RNF182: variants seen among roughly 807,000 people sequenced by gnomAD.
The protein encoded by RNF182 is E3 ubiquitin-protein ligase RNF182.
Under a neutral mutation model 14.4 loss-of-function variants are expected in RNF182, and 15 were observed. The observed-to-expected ratio is 1.04, with a 90% CI of 0.70 to 1.60. The LOEUF (loss-of-function observed/expected upper bound fraction) is 1.60. Among genes scored for constraint, RNF182 ranks in the 40% most tolerant of loss-of-function variants. RNF182 has a pLI of 0.00. For synonymous variants in RNF182, 128 were observed against 122.9 expected (o/e 1.04, Z -0.27); for missense variants, 268 against 294.8 (o/e 0.91, Z 0.67).
intron 1 of RNF182, among the ~76,000 whole-genome samples, chr6:13,960,699 G>GCGCACC (rs1561784411): frequency 6.6e-6 from 1 of 151,410 alleles, no homozygotes; most frequent in Non-Finnish European, 1.5e-5. Flanking sequence ...GTGTGCGCGC[G>GCGCACC]TGCACATGCA....
intron 1 of RNF182, among the ~76,000 whole-genome samples, chr6:13,951,671 T>G (rs1759596944): frequency 6.6e-6 from 1 of 152,224 alleles, no homozygotes; most frequent in Non-Finnish European, 1.5e-5. Context: ...ATTCCTACCT[T>G]TTTGCCAGCA....
intron 1 of RNF182, among the ~76,000 whole-genome samples, chr6:13,929,900 AAAC>A: frequency 6.6e-6 from 1 of 152,364 alleles, no homozygotes; most frequent in South Asian, 2.1e-4. Flanking sequence ...TAAAGTCATA[AAAC>A]AAGAAGCATT....
intron 1 of RNF182, among the ~76,000 whole-genome samples, chr6:13,935,114 T>C (rs1047689523): frequency 1.3e-5 from 2 of 152,194 alleles, no homozygotes; most frequent in Middle Eastern, 3.2e-3. Flanking sequence ...TATTCTTCCA[T>C]GTAGAGAATG....
chr6:13,924,842 G>GGGGGGCCCC, upstream of RNF182: 1 of 150,806 alleles, frequency 6.6e-6, no homozygotes, highest in East Asian at 2.0e-4. Context: ...GGAAGGGCCG[G>GGGGGGCCCC]GGGGGCCCCG....
In RNF182 at chr6:13,977,548, C is replaced by G; in HGVS notation, c.429C>G (p.Ser143=). ...AGGTGCAGAGAGAGAGCTCCCCGTCCCTGAGCTCCACTCCTGTGGTAGAAT... is the reference window on the plus strand; with the variant it reads ...AGGTGCAGAGAGAGAGCTCCCCGTCGCTGAGCTCCACTCCTGTGGTAGAAT... ...IMEVQRESSP[S]LSSTPVVEFY... The change falls in exon 3 of 3, where the codon TCC becomes TCG. Residue 143 remains serine, a synonymous_variant. Coordinates refer to ENST00000488300, the MANE Select transcript of RNF182 (RefSeq NM_152737.4). 6.2e-7 allele frequency: 1 copy of G among 1,614,144 alleles called. No homozygotes were observed. The highest frequency in any genetic ancestry group is 8.5e-7 in the Non-Finnish European group (1 of 1,179,960).
chr6:13,924,987 CGGAGCGGCT>C lies in RNF182; in HGVS notation c.-402_-394del, dbSNP rs1223183917. 1.4e-5 allele frequency: 2 copies of C among 146,836 alleles called. No homozygotes were observed. Among genetic ancestry groups the C allele is most frequent in the Non-Finnish European group, 3.0e-5 (2 of 65,940 alleles). The allele number at this position is 146,836 out of a possible 1,614,324, so 9.1% of individuals were successfully genotyped here. On this transcript the variant is annotated 5_prime_UTR_variant, in exon 1 of 3. Coordinates refer to ENST00000488300, the MANE Select transcript of RNF182 (RefSeq NM_152737.4). ...CTCCCCTCCCAGGCGCCGCCGCAGC[CGGAGCGGCT>C]CCCGGGCCCTGGGCCGCCGCCGGCC...
In RNF182 at chr6:13,944,562, G is replaced by A. The variant is rs573255684; in HGVS notation, c.-367+19539G>A. ...TGTCAATAATGCAGGGCAAGGAAAG[G>A]TAATTTATGCATGGAAATTCAGGAT... On this transcript the variant is annotated intron_variant, in intron 1 of 2. Coordinates refer to ENST00000488300, the MANE Select transcript of RNF182 (RefSeq NM_152737.4). Among the ~76,000 whole-genome samples, 3 of 152,302 alleles carry A rather than the reference G, an allele frequency of 2.0e-5. No homozygotes were observed. In the East Asian group the frequency reaches 5.8e-4, roughly 29 times the overall value.
chr6:13,933,834 G>A (rs563063878), intron 1 of RNF182, among the ~76,000 whole-genome samples: 1 of 151,996 alleles, frequency 6.6e-6, no homozygotes, highest in Non-Finnish European at 1.5e-5. Context: ...CCTGGCCAAT[G>A]TGGTGAAACC....
intron 1 of RNF182, among the ~76,000 whole-genome samples, chr6:13,944,984 C>T (rs571314496): frequency 9.9e-5 from 15 of 152,212 alleles, no homozygotes; most frequent in Admixed American, 7.2e-4. Flanking sequence ...AACATTTAGC[C>T]GGGCTTAATA....
intron 1 of RNF182, among the ~76,000 whole-genome samples, chr6:13,946,518 C>T (rs1759445697): frequency 6.6e-6 from 1 of 152,170 alleles, no homozygotes; most frequent in African/African-American, 2.4e-5. Flanking sequence ...ATCAGGACAT[C>T]AGGACATTTC....
chr6:13,957,589 T>A (rs577908304), intron 1 of RNF182, among the ~76,000 whole-genome samples: 1 of 152,308 alleles, frequency 6.6e-6, no homozygotes, highest in African/African-American at 2.4e-5. Flanking sequence ...TTGTAGCCAT[T>A]TTTATTAATG....
chr6:13,928,850 G>A (rs1030883814), intron 1 of RNF182, among the ~76,000 whole-genome samples: 1 of 152,010 alleles, frequency 6.6e-6, no homozygotes, highest in East Asian at 1.9e-4. Flanking sequence ...GCCAAAGGTG[G>A]TGCAGGGGTG....
intron 1 of RNF182, chr6:13,949,666 G>A (rs1759534124): frequency 3.4e-6 from 1 of 296,350 alleles, no homozygotes. Flanking sequence ...TGAAAGTATA[G>A]ATCAGAAGTT....
intron 1 of RNF182, among the ~76,000 whole-genome samples, chr6:13,948,107 C>T (rs115813914): frequency 0.021 from 3,261 of 152,204 alleles, 74 homozygotes; most frequent in Non-Finnish European, 0.027. Context: ...TTATTTTGGT[C>T]TTCTATTAGT....
intron 1 of RNF182, among the ~76,000 whole-genome samples, chr6:13,934,740 A>C (rs149285668): frequency 6.6e-6 from 1 of 152,322 alleles, no homozygotes; most frequent in Non-Finnish European, 1.5e-5. Flanking sequence ...AACAAAATCC[A>C]AATAAATAAA....
At chr6:13,937,093 A>C (rs549613460) in intron 1 of RNF182, among the ~76,000 whole-genome samples, 7 of 152,342 alleles carry the variant, frequency 4.6e-5, no homozygotes, top group Admixed American at 3.9e-4. Context: ...ACTTTTCACA[A>C]TCACATTACT....
chr6:13,975,475 A>G (rs1760298894), intron 2 of RNF182, among the ~76,000 whole-genome samples: 2 of 152,206 alleles, frequency 1.3e-5, no homozygotes, highest in Non-Finnish European at 2.9e-5. Context: ...ACTGTATTTG[A>G]AAAAATCCTA....
Position 13,977,129 on chromosome 6 carries a change from C to G in RNF182, c.10C>G (p.Gln4Glu). Residue 4 changes from glutamine (Q) to glutamate (E), a missense_variant, in exon 3 of 3, where the codon CAA becomes GAA. By Grantham distance (29) the Gln-to-Glu change is conservative (BLOSUM62 2). Coordinates refer to ENST00000488300, the MANE Select transcript of RNF182 (RefSeq NM_152737.4). ...GCACACATAATTCAAGATGGCCAGT[C>G]AACCTCCTGAAGACACTGCGGAGTC... Reference protein sequence around the residue: MASQPPEDTAESQA... With the variant: MASEPPEDTAESQA... 2 of 1,610,898 alleles carry G rather than the reference C, an allele frequency of 1.2e-6. No individual in the cohort carries two copies. The highest frequency in any genetic ancestry group is 1.7e-6 in the Non-Finnish European group (2 of 1,177,938).
intron 1 of RNF182, among the ~76,000 whole-genome samples, chr6:13,940,992 T>C (rs1401650748): frequency 6.6e-6 from 1 of 152,112 alleles, no homozygotes. Flanking sequence ...ATGATCATTT[T>C]TGCTGAGTGA....
Sources: gnomAD v4.1 joint callset for allele counts (sites outside exome capture counted in the v4.1 genomes callset) on GRCh38, gnomAD v4.1.1 for gene constraint, MANE v1.5 for transcripts, NCBI Gene and HGNC (gene_info 2026-07-23, HGNC 2026-07-21) for gene names.